Variants in LSP1 observed in about 807,000 individuals in gnomAD.
LSP1 encodes lymphocyte-specific protein 1.
Under a neutral mutation model 49.3 loss-of-function variants are expected in LSP1, and 32 were observed. The observed-to-expected ratio is 0.65, with a 90% confidence interval of 0.49 to 0.87. LSP1 has a LOEUF of 0.87. LSP1 is among the 40% of genes least tolerant of loss of function. The pLI, the probability that LSP1 is intolerant of heterozygous loss-of-function variation, is 0.00. For synonymous variants in LSP1, 179 were observed against 178.8 expected (o/e 1.00, Z -0.01); for missense variants, 428 against 442.6 (o/e 0.97, Z 0.30).
chr11:1,866,362 A>G, intron 1 of LSP1: 1 of 992,450 alleles, frequency 1.0e-6, no homozygotes, highest in Non-Finnish European at 1.5e-6. Context: ...GAGAGGCCAG[A>G]GAGCCAGGGA....
At chr11:1,871,290 G>A in intron 1 of LSP1, 1 of 986,294 alleles carries the variant, frequency 1.0e-6, no homozygotes, top group Non-Finnish European at 1.2e-6. Context: ...CCCACGAGCA[G>A]GGCGGGGCCC....
intron 10 of LSP1, chr11:1,890,852 TC>T: frequency 2.0e-6 from 1 of 510,436 alleles, no homozygotes; most frequent in Non-Finnish European, 3.5e-6. Flanking sequence ...AGAACCTGCC[TC>T]CAGGGCTCTG....
intron 1 of LSP1, among the ~76,000 whole-genome samples, chr11:1,854,939 G>C (rs754653779): frequency 6.6e-6 from 1 of 152,156 alleles, no homozygotes; most frequent in Admixed American, 6.5e-5. Context: ...GCCAGGAGCG[G>C]GGAGGGGGGG....
intron 3 of LSP1, among the ~76,000 whole-genome samples, chr11:1,883,028 G>A (rs1225556283): frequency 6.6e-6 from 1 of 152,264 alleles, no homozygotes; most frequent in Non-Finnish European, 1.5e-5. Context: ...AGCAGAGCAG[G>A]AGTGGTGGCC....
intron 1 of LSP1, chr11:1,870,011 G>A (rs12291776): frequency 0.043 from 17,038 of 391,990 alleles, 636 homozygotes; most frequent in South Asian, 0.11. Flanking sequence ...TGAGACGTGA[G>A]AGGTGCACCT....
chr11:1,866,976 G>A, intron 1 of LSP1: 1 of 1,414,210 alleles, frequency 7.1e-7, no homozygotes, highest in Non-Finnish European at 9.3e-7. Flanking sequence ...CAGTCCCTGT[G>A]GACCTGGGGA....
At chr11:1,877,559 T>C (rs1848364098) in intron 1 of LSP1, among the ~76,000 whole-genome samples, 1 of 152,112 alleles carries the variant, frequency 6.6e-6, no homozygotes, top group Non-Finnish European at 1.5e-5. Context: ...GGCACCGCCG[T>C]TGTCGGGGCA....
At chr11:1,860,270 A>C (rs1847590662) in intron 1 of LSP1, among the ~76,000 whole-genome samples, 1 of 152,072 alleles carries the variant, frequency 6.6e-6, no homozygotes, top group South Asian at 2.1e-4. Flanking sequence ...TGGATAATTG[A>C]ATGATGGATG....
intron 1 of LSP1, chr11:1,870,642 C>T (rs183549351): frequency 2.3e-5 from 25 of 1,083,046 alleles, no homozygotes; most frequent in Admixed American, 4.6e-5. Context: ...CTCTGGGTGC[C>T]GGCTGTGGCT....
chr11:1,890,754 C>A (rs1848966773), intron 10 of LSP1: 1 of 601,068 alleles, frequency 1.7e-6, no homozygotes, highest in Admixed American at 2.9e-5. Context: ...CTGAGCTCGA[C>A]TGTGCCTTGG....
At chr11:1,868,241 C>CT (rs1847859516) in intron 1 of LSP1, among the ~76,000 whole-genome samples, 1 of 152,224 alleles carries the variant, frequency 6.6e-6, no homozygotes, top group East Asian at 1.9e-4. Context: ...CTGAGAGTGC[C>CT]TTGTAGCCTG....
intron 1 of LSP1, chr11:1,865,120 A>C: frequency 1.1e-5 from 9 of 845,798 alleles, no homozygotes; most frequent in Non-Finnish European, 1.1e-5. Context: ...GAGGAGGGCC[A>C]GCAGGACAGG....
At position 1,861,978 on chromosome 11, in the gene LSP1, GATGGATGGGTGA is replaced by G. The variant is rs563576047; in HGVS notation, c.53+8793_53+8804del. On this transcript the variant is annotated intron_variant, in intron 1 of 10. Coordinates refer to ENST00000311604, the MANE Select transcript of LSP1 (RefSeq NM_002339.3). ...GGATGGATAGATGGATGGATGAATA[GATGGATGGGTGA>G]ATGGATGGGTGGATGGATGGATGAG... Among the ~76,000 whole-genome samples the G allele has an allele frequency of 8.7e-3, 1,308 of 150,268 alleles. 22 individuals carry two copies. The highest frequency in any genetic ancestry group is 0.029 in the African/African-American group (1,178 of 40,676).
chr11:1,880,363 C>A, intron 2 of LSP1, 139 bp downstream of exon 2: 1 of 1,099,414 alleles, frequency 9.1e-7, no homozygotes, highest in Non-Finnish European at 1.2e-6. Flanking sequence ...CAGGAGCAGG[C>A]GTGGGAGTGG....
At chr11:1,866,949 G>A (rs1847813590) in intron 1 of LSP1, 2 of 1,469,050 alleles carry the variant, frequency 1.4e-6, no homozygotes. Flanking sequence ...GAAACCGTGT[G>A]GGCCCAGGCT....
intron 1 of LSP1, among the ~76,000 whole-genome samples, chr11:1,879,530 C>T (rs1473811482): frequency 1.3e-5 from 2 of 152,208 alleles, no homozygotes. Flanking sequence ...GGTGTCCTGC[C>T]TGGACGTGCT....
At chr11:1,889,841 T>C (rs1191268587) in intron 10 of LSP1, 5 of 633,816 alleles carry the variant, frequency 7.9e-6, no homozygotes, top group Non-Finnish European at 1.4e-5. Flanking sequence ...GTGGCGGCCG[T>C]GGTACAGGGG....
At chr11:1,874,137 C>T (rs1249301861) in intron 1 of LSP1, among the ~76,000 whole-genome samples, 2 of 116,816 alleles carry the variant, frequency 1.7e-5, no homozygotes, top group South Asian at 2.9e-4. Flanking sequence ...TGGGGGCAGG[C>T]CGGGGACAGT....
chr11:1,882,634 ACT>A (rs1174145913), intron 3 of LSP1, among the ~76,000 whole-genome samples: 1 of 150,504 alleles, frequency 6.6e-6, no homozygotes, highest in Non-Finnish European at 1.5e-5. Context: ...GGGCGCTTTG[ACT>A]CTTCCGTGGA....
Sources: allele counts gnomAD v4.1 joint callset (sites outside exome capture counted in the v4.1 genomes callset), GRCh38; gene constraint gnomAD v4.1.1; transcripts MANE v1.5; gene names NCBI Gene and HGNC (gene_info 2026-07-23, HGNC 2026-07-21).